The following SPN variants were observed in gnomAD, a reference collection of about 807,000 sequenced individuals.
SPN encodes leukosialin.
A neutral mutation model predicts 8.4 loss-of-function variants in SPN; 6 were observed. The observed-to-expected ratio is 0.72, with a 90% CI of 0.39 to 1.42. The LOEUF (loss-of-function observed/expected upper bound fraction) is 1.42. Ranked by LOEUF, SPN falls within the 40% of genes most tolerant of loss-of-function variation. SPN has a pLI of 0.02. For synonymous variants in SPN, 201 were observed against 222.6 expected, an observed-to-expected ratio of 0.90 and a Z score of 0.86; for missense variants, 517 against 530.6, an observed-to-expected ratio of 0.97 and a Z score of 0.25.
chr16:29,663,881 T>G lies in SPN; in HGVS notation c.153T>G (p.Ser51Arg), dbSNP rs1481054377. 1.2e-6 allele frequency: 2 copies of G among 1,614,114 alleles called. No homozygotes were observed. Among genetic ancestry groups the G allele is most frequent in the East Asian group, 4.5e-5 (2 of 44,876 alleles). ...AGATGTACACCACTTCAATAACAAG[T>G]GACCCTAAGGCCGACAGCACTGGGG... The part of the protein sequence containing the change: ...SSKMYTTSIT[S>R]DPKADSTGDQ... Residue 51 changes from serine to arginine, a missense_variant, in exon 2 of 2, where the codon AGT (serine) becomes AGG (arginine). Physicochemically the swap from Ser to Arg is moderately radical, Grantham distance 110. Coordinates refer to ENST00000652691, the MANE Select transcript of SPN (RefSeq NM_003123.6). This position sits in a 1 kb window ranked among gnomAD's most constrained non-coding sequence, Gnocchi z 4.3.
Position 29,663,961 on chromosome 16 carries a change from G to A in SPN, c.233G>A (p.Trp78Ter). Residue 78 changes from tryptophan (W) to a stop codon, truncating the protein, a stop_gained, in exon 2 of 2, where the codon TGG becomes TAG. Transcript: ENST00000652691. LOFTEE classifies it low-confidence loss of function (END_TRUNC). This position sits in a 1 kb window ranked among gnomAD's most constrained non-coding sequence, Gnocchi z 4.3. ...STSINEGSPLWTSIGASTGSP... is the reference protein window; with the variant it reads ...STSINEGSPL ...TCCATCAATGAGGGATCCCCTCTTT[G>A]GACTTCCATTGGTGCCAGCACTGGT... 1 of 1,614,090 alleles carries A rather than the reference G, an allele frequency of 6.2e-7. No homozygotes were observed. The highest frequency in any genetic ancestry group is 8.5e-7 in the Non-Finnish European group (1 of 1,180,014).
Position 29,667,837 on chromosome 16 carries a change from GA to G in SPN, c.*2910del. ...CAAACAGTGTTATGAATGCACCAAG[GA>G]AAATGGTGCATTCATAACTCTCAGG... On this transcript the variant is annotated 3_prime_UTR_variant, in exon 2 of 2. Coordinates refer to ENST00000652691, the MANE Select transcript of SPN (RefSeq NM_003123.6). 6.1e-6 allele frequency: 1 copy of G among 165,272 alleles called. No homozygotes were observed. The allele number at this position is 165,272 out of a possible 1,614,324, so 10.2% of individuals were successfully genotyped here.
In SPN at chr16:29,663,771, C is replaced by T. The variant is rs1337369720; in HGVS notation, c.43C>T (p.Pro15Ser). Residue 15 changes from proline (P) to serine (S), a missense_variant, in exon 2 of 2, where the codon CCA becomes TCA. Pro to Ser is a moderately conservative substitution (Grantham distance 74). Coordinates refer to ENST00000652691, the MANE Select transcript of SPN (RefSeq NM_003123.6). This position sits in a 1 kb window ranked among gnomAD's most constrained non-coding sequence, Gnocchi z 4.3. Reference protein sequence around the residue: ...LLLLGVLVVSPDALGSTTAVQ... With the variant: ...LLLLGVLVVSSDALGSTTAVQ... Reference sequence around the variant, plus strand: ...TCTCCTTGGGGTGCTGGTGGTAAGCCCAGACGCTCTGGGGAGCACAACAGC... The same window carrying T: ...TCTCCTTGGGGTGCTGGTGGTAAGCTCAGACGCTCTGGGGAGCACAACAGC... 3 of 1,607,554 alleles carry T rather than the reference C, an allele frequency of 1.9e-6. No individual in the cohort carries two copies. In the South Asian group the frequency reaches 3.3e-5, roughly 18 times the overall value.
rs926930118 is a variant in SPN, at chr16:29,667,946, C to G, written c.*3015C>G. 120 of 166,048 alleles carry G rather than the reference C, an allele frequency of 7.2e-4. 6 individuals are homozygous for G. The highest frequency in any genetic ancestry group is 1.5e-5 in the Non-Finnish European group (1 of 68,146). The allele number at this position is 166,048 out of a possible 1,614,324, so 10.3% of individuals were successfully genotyped here. Reference sequence around the variant, plus strand: ...CGTGCATGTGCGTGCGTGCATGTGCCTGTGTGTGTATGTGTGCACATGTGT... The same window carrying G: ...CGTGCATGTGCGTGCGTGCATGTGCGTGTGTGTGTATGTGTGCACATGTGT... On this transcript the variant is annotated 3_prime_UTR_variant, in exon 2 of 2. Coordinates refer to ENST00000652691, the MANE Select transcript of SPN (RefSeq NM_003123.6).
Position 29,663,652 on chromosome 16 carries a change from G to A in SPN, c.-34-43G>A, listed in dbSNP as rs533830562. On this transcript the variant is annotated intron_variant, in intron 1 of 1. Coordinates refer to ENST00000652691, the MANE Select transcript of SPN (RefSeq NM_003123.6). The surrounding 1 kb of genome is among the most constrained non-coding windows in gnomAD (Gnocchi z 4.3). ...GAGGGGAGGCCCGGCCAGGTCCTCC[G>A]GCAACTCCCGCGTGTTCTGCTTCTC... 1.8e-5 allele frequency: 27 copies of A among 1,506,648 alleles called. No individual in the cohort carries two copies. In the South Asian group the frequency reaches 2.4e-4, roughly 14 times the overall value. The allele number at this position is 1,506,648 out of a possible 1,614,324, so 93.3% of individuals were successfully genotyped here.
At position 29,664,179 on chromosome 16, in the gene SPN, G is replaced by C. The variant is rs979391566; in HGVS notation, c.451G>C (p.Val151Leu). Residue 151 changes from valine to leucine, a missense_variant, in exon 2 of 2, where the codon GTT becomes CTT. By Grantham distance (32) the Val-to-Leu change is conservative. Transcript: ENST00000652691. The surrounding 1 kb of genome is among the most constrained non-coding windows in gnomAD (Gnocchi z 6.4). Reference sequence around the variant, plus strand: ...CTCCAGTAGGACCAGTGGAGCCCCTGTTACCACGGCAGCTAGCTCTCTGGA... The same window carrying C: ...CTCCAGTAGGACCAGTGGAGCCCCTCTTACCACGGCAGCTAGCTCTCTGGA... ...ETSSRTSGAP[V>L]TTAASSLETS... The C allele has an allele frequency of 1.2e-6, 2 of 1,613,898 alleles. No homozygotes were observed.
At position 29,664,868 on chromosome 16, in the gene SPN, G is replaced by A; in HGVS notation, c.1140G>A (p.Glu380=). Residue 380 remains glutamate, a synonymous_variant, in exon 2 of 2, where the codon GAG becomes GAA. Coordinates refer to ENST00000652691, the MANE Select transcript of SPN (RefSeq NM_003123.6). This position sits in a 1 kb window ranked among gnomAD's most constrained non-coding sequence, Gnocchi z 6.4. ...KGEEEPLVAS[E]DGAVDAPAPD... is the part of the protein sequence containing the mutation. Reference sequence around the variant, plus strand: ...AGGAGGAGCCACTGGTGGCCAGTGAGGATGGGGCTGTGGACGCCCCAGCTC... The same window carrying A: ...AGGAGGAGCCACTGGTGGCCAGTGAAGATGGGGCTGTGGACGCCCCAGCTC... 6.7e-7 allele frequency: 1 copy of A among 1,491,180 alleles called. No individual in the cohort carries two copies. Among genetic ancestry groups the A allele is most frequent in the East Asian group, 2.4e-5 (1 of 42,128 alleles). 92.4% of individuals were successfully genotyped at this position (1,491,180 alleles called of 1,614,324 possible).
upstream of SPN, chr16:29,663,120 G>A (rs577303285): frequency 6.6e-6 from 1 of 152,280 alleles, no homozygotes; most frequent in East Asian, 1.9e-4. This position sits in a 1 kb window ranked among gnomAD's most constrained non-coding sequence, Gnocchi z 4.3. Flanking sequence ...GGCCCCTGAA[G>A]GAGCAGGTGA....
At position 29,666,502 on chromosome 16, in the gene SPN, G is replaced by A. The variant is rs11574557; in HGVS notation, c.*1571G>A. The stretch of plus-strand genomic sequence containing the variant: ...ATTTCTGCAGTACACATGCATGTGC[G>A]CTCTCTCTCTCTCTCTCTCTCTCAC... On this transcript the variant is annotated 3_prime_UTR_variant, in exon 2 of 2. Transcript: ENST00000652691. 1.1e-4 allele frequency: 17 copies of A among 157,802 alleles called. No individual in the cohort carries two copies. The highest frequency in any genetic ancestry group is 2.0e-4 in the Admixed American group (3 of 14,780). 9.8% of individuals were successfully genotyped at this position (157,802 alleles called of 1,614,324 possible). A position where few individuals can be genotyped will look rare whatever the true frequency, so the allele number is the denominator to read the frequency against.
chr16:29,670,482 C>A lies in SPN; in HGVS notation c.*5551C>A. 5.5e-6 allele frequency: 1 copy of A among 183,052 alleles called. No individual in the cohort carries two copies. Among genetic ancestry groups the A allele is most frequent in the Non-Finnish European group, 1.1e-5 (1 of 87,946 alleles). 11.3% of individuals were successfully genotyped at this position (183,052 alleles called of 1,614,324 possible). A position where few individuals can be genotyped will look rare whatever the true frequency, so the allele number is the denominator to read the frequency against. ...CTAGTCTGGGCGACAGAGCAAGACT[C>A]CGTCTTGGAAAAAAATTTAAAAAAA... is the stretch of plus-strand genomic sequence containing the variant. On this transcript the variant is annotated 3_prime_UTR_variant, in exon 2 of 2. Coordinates refer to ENST00000652691, the MANE Select transcript of SPN (RefSeq NM_003123.6).
At position 29,670,612 on chromosome 16, in the gene SPN, G is replaced by A; in HGVS notation, c.*5681G>A. 3.0e-6 allele frequency: 1 copy of A among 336,086 alleles called. No individual in the cohort carries two copies. The highest frequency in any genetic ancestry group is 8.3e-5 in the East Asian group (1 of 12,050). 20.8% of individuals were successfully genotyped at this position (336,086 alleles called of 1,614,324 possible). ...TAAAAATCATGTTTTTGAAAATTAT[G>A]TAATGACTTTGGAAAATACCAGCAA... is the stretch of plus-strand genomic sequence containing the variant. On this transcript the variant is annotated 3_prime_UTR_variant, in exon 2 of 2. Transcript: ENST00000652691.
rs1596770082 is a variant in SPN, at chr16:29,663,982, C to T, written c.254C>T (p.Thr85Ile). ...SPLWTSIGAS[T>I]GSPLPEPTTY... Reference sequence around the variant, plus strand: ...CTTTGGACTTCCATTGGTGCCAGCACTGGTTCCCCTTTACCTGAGCCAACA... The same window carrying T: ...CTTTGGACTTCCATTGGTGCCAGCATTGGTTCCCCTTTACCTGAGCCAACA... The change falls in exon 2 of 2, where the codon ACT becomes ATT. Residue 85 changes from threonine (T) to isoleucine (I), a missense_variant. Thr to Ile is a moderately conservative substitution (Grantham distance 89). Transcript: ENST00000652691. This position sits in a 1 kb window ranked among gnomAD's most constrained non-coding sequence, Gnocchi z 4.3. The T allele has an allele frequency of 1.2e-6, 2 of 1,614,198 alleles. No homozygotes were observed. Among genetic ancestry groups the T allele is most frequent in the East Asian group, 2.2e-5 (1 of 44,882 alleles).
rs980063798 is a variant in SPN, at chr16:29,666,565, C to T, written c.*1634C>T. 4 of 245,734 alleles carry T rather than the reference C, an allele frequency of 1.6e-5. No individual in the cohort carries two copies. Among genetic ancestry groups the T allele is most frequent in the African/African-American group, 8.9e-5 (4 of 45,186 alleles). The allele number at this position is 245,734 out of a possible 1,614,324, so 15.2% of individuals were successfully genotyped here. On this transcript the variant is annotated 3_prime_UTR_variant, in exon 2 of 2. Coordinates refer to ENST00000652691, the MANE Select transcript of SPN (RefSeq NM_003123.6). The stretch of plus-strand genomic sequence containing the variant: ...ACACACACACACACGCGCGCGCGCG[C>T]GCGCTCTCCTGCGAACAGAGGCAGG...
In SPN at chr16:29,669,633, A is replaced by C. The variant is rs1283720677; in HGVS notation, c.*4702A>C. The C allele has an allele frequency of 6.4e-6, 1 of 155,770 alleles. No homozygotes were observed. The highest frequency in any genetic ancestry group is 1.5e-5 in the Non-Finnish European group (1 of 67,806). 9.6% of individuals were successfully genotyped at this position (155,770 alleles called of 1,614,324 possible). A position where few individuals can be genotyped will look rare whatever the true frequency, so the allele number is the denominator to read the frequency against. On this transcript the variant is annotated 3_prime_UTR_variant, in exon 2 of 2. Transcript: ENST00000652691. ...GTGGCTCAACGTCTGTAATCCCAGCACTTTGGGAGGCCGAGGCAGGTGGAT... is the reference window on the plus strand; with the variant it reads ...GTGGCTCAACGTCTGTAATCCCAGCCCTTTGGGAGGCCGAGGCAGGTGGAT...
In SPN at chr16:29,664,670, C is replaced by A. The variant is rs764313860; in HGVS notation, c.942C>A (p.Ala314=). Residue 314 remains alanine, a synonymous_variant, in exon 2 of 2, where the codon GCC becomes GCA. Transcript: ENST00000652691. This position sits in a 1 kb window ranked among gnomAD's most constrained non-coding sequence, Gnocchi z 6.4. ...AGPAQVPEEG[A]VTVTVGGSGG... ...CAGCCCAGGTCCCTGAGGAGGGGGC[C>A]GTGACAGTGACCGTGGGAGGGTCCG... 1 of 1,511,522 alleles carries A rather than the reference C, an allele frequency of 6.6e-7. No individual in the cohort carries two copies. Among genetic ancestry groups the A allele is most frequent in the Non-Finnish European group, 8.8e-7 (1 of 1,133,258 alleles). The allele number at this position is 1,511,522 out of a possible 1,614,324, so 93.6% of individuals were successfully genotyped here. A position where few individuals can be genotyped will look rare whatever the true frequency, so the allele number is the denominator to read the frequency against.
In SPN at chr16:29,669,133, TTATATA is replaced by T; in HGVS notation, c.*4208_*4213del. The T allele has an allele frequency of 6.0e-6, 1 of 166,762 alleles. No homozygotes were observed. Among genetic ancestry groups the T allele is most frequent in the Non-Finnish European group, 1.5e-5 (1 of 68,050 alleles). 10.3% of individuals were successfully genotyped at this position (166,762 alleles called of 1,614,324 possible). A position where few individuals can be genotyped will look rare whatever the true frequency, so the allele number is the denominator to read the frequency against. On this transcript the variant is annotated 3_prime_UTR_variant, in exon 2 of 2. Coordinates refer to ENST00000652691, the MANE Select transcript of SPN (RefSeq NM_003123.6). ...CCCCGTGTCTACAAAAAGTAAACAT[TTATATA>T]TATATTTTTTAAAGTGGAGCAGTTC...
chr16:29,667,169 C>A lies in SPN; in HGVS notation c.*2238C>A. On this transcript the variant is annotated 3_prime_UTR_variant, in exon 2 of 2. Coordinates refer to ENST00000652691, the MANE Select transcript of SPN (RefSeq NM_003123.6). Reference sequence around the variant, plus strand: ...GCACCCACTGGGCTGCATCTGGTGGCCTTTTCTGATTGCTATTTGGACTCA... The same window carrying A: ...GCACCCACTGGGCTGCATCTGGTGGACTTTTCTGATTGCTATTTGGACTCA... The A allele has an allele frequency of 2.6e-6, 1 of 384,876 alleles. No individual in the cohort carries two copies. Among genetic ancestry groups the A allele is most frequent in the South Asian group, 1.9e-5 (1 of 52,242 alleles). The allele number at this position is 384,876 out of a possible 1,614,324, so 23.8% of individuals were successfully genotyped here.
chr16:29,666,540 ACACACACACACACGCG>A lies in SPN; in HGVS notation c.*1611_*1626del, dbSNP rs1160620785. ...CTCTCTCTCTCACACACACACACAC[ACACACACACACACGCG>A]CGCGCGCGCGCGCTCTCCTGCGAAC... On this transcript the variant is annotated 3_prime_UTR_variant, in exon 2 of 2. Coordinates refer to ENST00000652691, the MANE Select transcript of SPN (RefSeq NM_003123.6). 16 of 186,956 alleles carry A rather than the reference ACACACACACACACGCG, an allele frequency of 8.6e-5. No individual in the cohort carries two copies. The highest frequency in any genetic ancestry group is 3.6e-4 in the African/African-American group (14 of 38,768). The allele number at this position is 186,956 out of a possible 1,614,324, so 11.6% of individuals were successfully genotyped here.
rs1966814846 is a variant in SPN at position 29,666,544 on chromosome 16, ACACACACACG to A, written c.*1615_*1624del. 1.5e-5 allele frequency: 3 copies of A among 197,912 alleles called. No individual in the cohort carries two copies. Among genetic ancestry groups the A allele is most frequent in the African/African-American group, 7.6e-5 (3 of 39,724 alleles). 12.3% of individuals were successfully genotyped at this position (197,912 alleles called of 1,614,324 possible). ...CTCTCTCACACACACACACACACAC[ACACACACACG>A]CGCGCGCGCGCGCGCTCTCCTGCGA... On this transcript the variant is annotated 3_prime_UTR_variant, in exon 2 of 2. Transcript: ENST00000652691.
Sources: gnomAD v4.1 joint callset for allele counts on GRCh38, gnomAD v4.1.1 for gene constraint, Gnocchi (gnomAD v3.1) non-coding constraint, MANE v1.5 for transcripts, NCBI Gene and HGNC (gene_info 2026-07-23, HGNC 2026-07-21) for gene names.